The following ADARB2 variants were observed in gnomAD, a reference collection of about 807,000 sequenced individuals.
The protein encoded by ADARB2 is inactive double-stranded RNA-specific editase B2.
In ADARB2, 25 loss-of-function variants were observed where a neutral mutation model predicts 62.2. That is an observed-to-expected ratio of 0.40 (90% CI 0.29 to 0.56). ADARB2 has a LOEUF of 0.56. Among genes scored for constraint, ADARB2 ranks in the 20% least tolerant of loss-of-function variants. The pLI, the probability that ADARB2 is intolerant of heterozygous loss-of-function variation, is 0.43. For missense variants in ADARB2, 1,071 were observed against 1,077.4 expected, an observed-to-expected ratio of 0.99 and a Z score of 0.08; for synonymous variants, 572 against 500.8, an observed-to-expected ratio of 1.14 and a Z score of -1.90.
At chr10:1,682,407 T>G (rs1834549095) in intron 1 of ADARB2, among the ~76,000 whole-genome samples, 1 of 152,152 alleles carries the variant, frequency 6.6e-6, no homozygotes, top group African/African-American at 2.4e-5. Flanking sequence ...GGGAAGCCAT[T>G]TGCACTTTAA....
At chr10:1,723,804 G>A (rs1427800856) in intron 1 of ADARB2, among the ~76,000 whole-genome samples, 2 of 152,112 alleles carry the variant, frequency 1.3e-5, no homozygotes. Flanking sequence ...AGACATCAAG[G>A]GGAACCTAAT....
chr10:1,552,300 C>A (rs767134447), intron 1 of ADARB2, among the ~76,000 whole-genome samples: 3 of 152,226 alleles, frequency 2.0e-5, no homozygotes, highest in Non-Finnish European at 4.4e-5. Flanking sequence ...TTTCACTGCA[C>A]GCTCCCTCCT....
chr10:1,412,520 T>A (rs2131880071), intron 1 of ADARB2, among the ~76,000 whole-genome samples: 1 of 152,272 alleles, frequency 6.6e-6, no homozygotes, highest in East Asian at 1.9e-4. Flanking sequence ...TATCCATACA[T>A]TCAAAAAAGT....
At chr10:1,640,081 C>T (rs185870727) in intron 1 of ADARB2, among the ~76,000 whole-genome samples, 7 of 152,264 alleles carry the variant, frequency 4.6e-5, no homozygotes, top group Admixed American at 2.0e-4. Flanking sequence ...GGGAGCATGG[C>T]GGCTATACTT....
At chr10:1,505,096 C>A (rs1332767552) in intron 1 of ADARB2, among the ~76,000 whole-genome samples, 1 of 149,676 alleles carries the variant, frequency 6.7e-6, no homozygotes, top group Non-Finnish European at 1.5e-5. Context: ...GACACACACA[C>A]ACATGCACAC....
At chr10:1,569,115 A>G (rs565973165) in intron 1 of ADARB2, among the ~76,000 whole-genome samples, 1 of 145,526 alleles carries the variant, frequency 6.9e-6, no homozygotes, top group Non-Finnish European at 1.5e-5. Flanking sequence ...GGATATAAAG[A>G]AAGAGACAGA....
intron 1 of ADARB2, among the ~76,000 whole-genome samples, chr10:1,697,999 C>A (rs1168543330): frequency 6.6e-6 from 1 of 152,136 alleles, no homozygotes. Context: ...CAATAATACG[C>A]GACTTTCACC....
At chr10:1,373,723 ACTT>A (rs1240144171) in intron 2 of ADARB2, among the ~76,000 whole-genome samples, 1 of 152,094 alleles carries the variant, frequency 6.6e-6, no homozygotes, top group Non-Finnish European at 1.5e-5. Context: ...CTCACACCAC[ACTT>A]CTTCTCCCTG....
chr10:1,717,593 T>G (rs1233586357), intron 1 of ADARB2, among the ~76,000 whole-genome samples: 1 of 151,802 alleles, frequency 6.6e-6, no homozygotes, highest in Non-Finnish European at 1.5e-5. Context: ...CTTTCTTCTT[T>G]TTTTGAGACA....
intron 1 of ADARB2, among the ~76,000 whole-genome samples, chr10:1,560,878 AT>A (rs1832778166): frequency 6.6e-6 from 1 of 152,134 alleles, no homozygotes; most frequent in Admixed American, 6.5e-5. Context: ...CAGAGAGAAA[AT>A]GTCCTCTCTT....
At chr10:1,409,357 T>C (rs1832735709) in intron 1 of ADARB2, among the ~76,000 whole-genome samples, 1 of 152,246 alleles carries the variant, frequency 6.6e-6, no homozygotes, top group Non-Finnish European at 1.5e-5. Context: ...TCTTTTCAGA[T>C]GTTTCATCTC....
chr10:1,421,177 G>T (rs1832849914), intron 1 of ADARB2, among the ~76,000 whole-genome samples: 1 of 151,916 alleles, frequency 6.6e-6, no homozygotes. Context: ...TGATTAACCC[G>T]GACCAAAGGG....
chr10:1,327,872 A>AC (rs1831888482), intron 3 of ADARB2, among the ~76,000 whole-genome samples: 1 of 147,232 alleles, frequency 6.8e-6, no homozygotes, highest in African/African-American at 2.6e-5. Flanking sequence ...GCGCCTCCTC[A>AC]CAGCTCAGCG....
At chr10:1,203,904 G>A (rs1393703319) in intron 7 of ADARB2, among the ~76,000 whole-genome samples, 5 of 152,230 alleles carry the variant, frequency 3.3e-5, no homozygotes, top group Admixed American at 6.5e-5. Context: ...GCTGCACCCC[G>A]GAGCTGCTGG....
At chr10:1,513,058 G>T (rs538988267) in intron 1 of ADARB2, among the ~76,000 whole-genome samples, 15 of 152,312 alleles carry the variant, frequency 9.8e-5, no homozygotes, top group African/African-American at 3.6e-4. Context: ...CAAGAGAGTA[G>T]ATTCTAGTGC....
At chr10:1,278,432 C>T (rs1253659411) in intron 3 of ADARB2, among the ~76,000 whole-genome samples, 1 of 151,692 alleles carries the variant, frequency 6.6e-6, no homozygotes, top group African/African-American at 2.4e-5. Context: ...CCTCCCTCCC[C>T]ACCAGTATTC....
At chr10:1,353,981 G>A (rs1231840127) in intron 3 of ADARB2, among the ~76,000 whole-genome samples, 2 of 151,972 alleles carry the variant, frequency 1.3e-5, no homozygotes, top group Non-Finnish European at 2.9e-5. Flanking sequence ...GAACAAAACC[G>A]TATCCAGGCC....
At chr10:1,449,323 C>T (rs1348405984) in intron 1 of ADARB2, among the ~76,000 whole-genome samples, 1 of 152,166 alleles carries the variant, frequency 6.6e-6, no homozygotes, top group Non-Finnish European at 1.5e-5. Flanking sequence ...ACCCCGTGCC[C>T]CTTCACTTCC....
At chr10:1,192,753 A>G (rs1255530621) in intron 8 of ADARB2, among the ~76,000 whole-genome samples, 1 of 152,218 alleles carries the variant, frequency 6.6e-6, no homozygotes, top group Non-Finnish European at 1.5e-5. Context: ...CACCCTGGCT[A>G]ACACGGTGAA....
Sources: gnomAD v4.1 joint callset for allele counts (sites outside exome capture counted in the v4.1 genomes callset) on GRCh38, gnomAD v4.1.1 for gene constraint, MANE v1.5 for transcripts, NCBI Gene and HGNC (gene_info 2026-07-23, HGNC 2026-07-21) for gene names.